The following ANO1 variants were observed in gnomAD, a reference collection of about 807,000 sequenced individuals.
ANO1 encodes the protein anoctamin 1, also known as anoctamin-1.
A neutral mutation model predicts 124.0 loss-of-function variants in ANO1; 59 were observed. The observed-to-expected ratio is 0.48, with a 90% CI of 0.39 to 0.59. The LOEUF is 0.59. Ranked by LOEUF, ANO1 falls within the 20% of genes least tolerant of loss-of-function variation. ANO1 has a pLI of 0.00. For missense variants in ANO1, 1,059 were observed against 1,328.0 expected (o/e 0.80, Z 3.15); for synonymous variants, 529 against 532.0 (o/e 0.99, Z 0.08).
upstream of ANO1, among the ~76,000 whole-genome samples, chr11:70,077,412 T>C (rs1196887474): frequency 6.6e-6 from 1 of 152,100 alleles, no homozygotes; most frequent in Non-Finnish European, 1.5e-5. Flanking sequence ...GAGGGACACT[T>C]TATTTCCACT....
At chr11:70,123,390 G>T (rs113110293) in intron 8 of ANO1, among the ~76,000 whole-genome samples, 5 of 152,302 alleles carry the variant, frequency 3.3e-5, no homozygotes, top group African/African-American at 1.2e-4. Flanking sequence ...TGCACAGCCC[G>T]TGTTACCCCA....
Position 70,186,397 on chromosome 11 carries a change from A to AG in ANO1, c.2694+703dup, listed in dbSNP as rs1188690802. Among the ~76,000 whole-genome samples the AG allele has an allele frequency of 1.5e-3, 230 of 151,552 alleles. 1 individual carries two copies. Among genetic ancestry groups the AG allele is most frequent in the African/African-American group, 2.9e-3 (118 of 41,332 alleles). ...AAGGAAGGAAGGAAGGAAGGAAGGAAGAAAGACATGGAGAAAGGGGACCCC... is the reference window on the plus strand; with the variant it reads ...AAGGAAGGAAGGAAGGAAGGAAGGAAGGAAAGACATGGAGAAAGGGGACCCC... On this transcript the variant is annotated intron_variant, in intron 25 of 25. Coordinates refer to ENST00000355303, the MANE Select transcript of ANO1 (RefSeq NM_018043.7).
At chr11:70,095,214 G>A (rs374844965) in intron 2 of ANO1, among the ~76,000 whole-genome samples, 1 of 33,346 alleles carries the variant, frequency 3.0e-5, no homozygotes, top group Non-Finnish European at 6.1e-5. Context: ...AAAAAAGAAA[G>A]AGAGAGAGAG....
At chr11:70,111,496 C>T (rs1009259074) in intron 6 of ANO1, among the ~76,000 whole-genome samples, 3 of 152,304 alleles carry the variant, frequency 2.0e-5, no homozygotes, top group Admixed American at 6.5e-5. Flanking sequence ...GCATGTGTTT[C>T]GTCATCTCCT....
chr11:69,966,666 T>C, the ANO1 span, among the ~76,000 whole-genome samples: 542 of 152,046 alleles, frequency 3.6e-3, 2 homozygotes, highest in African/African-American at 0.012. Flanking sequence ...GGTTGGGGCG[T>C]TGGGGTGAGA....
intron 1 of ANO1, among the ~76,000 whole-genome samples, chr11:70,068,566 G>A (rs1857790945): frequency 6.6e-6 from 1 of 152,180 alleles, no homozygotes; most frequent in Non-Finnish European, 1.5e-5. Context: ...TGGAAAGGTG[G>A]TTTCTTAGCA....
intron 24 of ANO1, among the ~76,000 whole-genome samples, chr11:70,184,840 G>A (rs553714963): frequency 3.9e-5 from 6 of 152,084 alleles, no homozygotes; most frequent in African/African-American, 1.4e-4. Context: ...TCAACCTCCC[G>A]GGCTCAGGTG....
intron 1 of ANO1, among the ~76,000 whole-genome samples, chr11:69,999,414 G>A (rs4980714): frequency 0.58 from 88,500 of 152,022 alleles, 27,197 homozygotes; most frequent in East Asian, 0.97. Context: ...CAACAGTGGG[G>A]ACGACATTTC....
chr11:70,030,067 C>G (rs1159188974), intron 1 of ANO1, among the ~76,000 whole-genome samples: 2 of 152,208 alleles, frequency 1.3e-5, no homozygotes, highest in African/African-American at 2.4e-5. Flanking sequence ...GGGAGGGTAC[C>G]TTTGCTCAGG....
At chr11:70,181,351 G>A (rs1157369363) in intron 23 of ANO1, among the ~76,000 whole-genome samples, 2 of 152,132 alleles carry the variant, frequency 1.3e-5, no homozygotes, top group Non-Finnish European at 2.9e-5. Context: ...CAGCCCCGGA[G>A]AAGGGCCCCT....
chr11:70,025,507 T>C (rs1260941663), intron 1 of ANO1, among the ~76,000 whole-genome samples: 2 of 151,896 alleles, frequency 1.3e-5, no homozygotes, highest in Admixed American at 6.6e-5. Flanking sequence ...ATGGCGATGA[T>C]GGTGGTGGTG....
intron 3 of ANO1, 128 bp from the exon 4 acceptor site, chr11:70,103,871 C>T (rs2045378476): frequency 9.7e-7 from 1 of 1,031,828 alleles, no homozygotes; most frequent in African/African-American, 1.6e-5. Context: ...CTGGCCCACC[C>T]AGGTGCTCTG....
chr11:70,087,975 G>A lies in ANO1; in HGVS notation c.332G>A (p.Gly111Asp), dbSNP rs756554501. The A allele has an allele frequency of 6.3e-7, 1 of 1,583,580 alleles. No individual in the cohort carries two copies. Among genetic ancestry groups the A allele is most frequent in the Admixed American group, 1.8e-5 (1 of 56,554 alleles). ...LPGKGASLDAGSGEPPMDYHE... is the reference protein window; with the variant it reads ...LPGKGASLDADSGEPPMDYHE... ...GGCAAGGGGGCGTCGCTGGATGCAG[G>A]CTCGGGGGAGCCCCCGATGGACTAC... The change falls in exon 2 of 26, where the codon GGC (glycine) becomes GAC (aspartate). Residue 111 changes from glycine (G) to aspartate (D), a missense_variant. Physicochemically the swap from Gly to Asp is moderately conservative, Grantham distance 94 (BLOSUM62 -1). Around this residue, in one of 2 missense-constraint regions of ANO1, gnomAD observed 250 missense variants for 233.1 expected, o/e 1.07. Coordinates refer to ENST00000355303, the MANE Select transcript of ANO1 (RefSeq NM_018043.7).
chr11:70,187,931 A>C lies in ANO1; in HGVS notation c.2888A>C (p.His963Pro). 6.3e-7 allele frequency: 1 copy of C among 1,584,214 alleles called. No homozygotes were observed. Among genetic ancestry groups the C allele is most frequent in the Non-Finnish European group, 8.6e-7 (1 of 1,166,172 alleles). ...RQKDEPPCNH[H>P]NTKACPDSLG... ...AAGGACGAGCCGCCGTGCAACCACC[A>C]CAACACCAAAGCCTGCCCAGACAGC... The change falls in exon 26 of 26, where the codon CAC (histidine) becomes CCC (proline). Residue 963 changes from histidine to proline, a missense_variant. Around this residue, in one of 2 missense-constraint regions of ANO1, gnomAD observed 809 missense variants for 1,094.9 expected, o/e 0.74. Coordinates refer to ENST00000355303, the MANE Select transcript of ANO1 (RefSeq NM_018043.7).
chr11:70,062,063 C>CTTTTT lies in ANO1; in HGVS notation c.59-16476_59-16475insTTTTT, dbSNP rs1857593075. ...AGAGGTGATTTTTTTCTCTTTCCTT[C>CTTTTT]TTTCTTTTTTTTTTTTTTTTTTTTT... On this transcript the variant is annotated intron_variant, in intron 1 of 27. Coordinates refer to the ANO1 transcript ENST00000531349. 3.1e-4 allele frequency among the ~76,000 whole-genome samples: 24 copies of CTTTTT among 76,688 alleles called. 1 individual carries two copies. Among genetic ancestry groups the CTTTTT allele is most frequent in the Non-Finnish European group, 5.7e-4 (20 of 34,786 alleles). 50.3% of individuals were successfully genotyped at this position (76,688 alleles called of 152,430 possible). A position where few individuals can be genotyped will look rare whatever the true frequency, so the allele number is the denominator to read the frequency against.
chr11:70,067,623 C>T (rs1277193162), intron 1 of ANO1, among the ~76,000 whole-genome samples: 4 of 152,194 alleles, frequency 2.6e-5, no homozygotes, highest in Non-Finnish European at 1.5e-5. Flanking sequence ...CCGCCGCACC[C>T]GGCCTGTGCG....
intron 1 of ANO1, among the ~76,000 whole-genome samples, chr11:70,016,054 GTC>G (rs1856697882): frequency 6.7e-6 from 1 of 150,216 alleles, no homozygotes; most frequent in Admixed American, 6.6e-5. Flanking sequence ...TTGAAACGGA[GTC>G]TCACTCTGTT....
intron 1 of ANO1, among the ~76,000 whole-genome samples, chr11:70,062,496 A>G (rs141066339): frequency 2.0e-5 from 3 of 152,344 alleles, no homozygotes; most frequent in Non-Finnish European, 2.9e-5. Flanking sequence ...ATGAAGCAGA[A>G]CAACTGAGAA....
chr11:70,006,570 TCTTTCTTTCTTACTTA>T lies in ANO1; in HGVS notation c.58+20416_58+20431del, dbSNP rs1485013451. ...TCTTCCTTTCTTTCTTTCTTTTCTT[TCTTTCTTTCTTACTTA>T]CTTTCTTTCTTTCCTTCTTTCTTTC... On this transcript the variant is annotated intron_variant, in intron 1 of 27. Coordinates refer to the ANO1 transcript ENST00000531349. Among the ~76,000 whole-genome samples, 3 of 108,620 alleles carry T rather than the reference TCTTTCTTTCTTACTTA, an allele frequency of 2.8e-5. No individual in the cohort carries two copies. The East Asian group carries it at 2.9e-3, about 103-fold the overall frequency. 71.3% of individuals were successfully genotyped at this position (108,620 alleles called of 152,430 possible). A position where few individuals can be genotyped will look rare whatever the true frequency, so the allele number is the denominator to read the frequency against.
Sources: gnomAD v4.1 joint callset for allele counts (sites outside exome capture counted in the v4.1 genomes callset) on GRCh38, gnomAD v4.1.1 for gene constraint, gnomAD v4.1.1 regional missense constraint, MANE v1.5 for transcripts, NCBI Gene and HGNC (gene_info 2026-07-23, HGNC 2026-07-21) for gene names.